Variants in KIF6 observed in about 807,000 individuals in gnomAD.
KIF6 encodes the protein kinesin-like protein KIF6.
In KIF6, 106 loss-of-function variants were observed where a neutral mutation model predicts 112.7. The ratio of observed to expected loss-of-function variants is 0.94; its 90% CI spans 0.80 to 1.11. KIF6 has a LOEUF of 1.11. Ranked by LOEUF, KIF6 falls within the 50% of genes least tolerant of loss-of-function variation. The probability of loss-of-function intolerance (pLI) is 0.00; values close to 1 mark genes in which losing one functional copy is unlikely to be tolerated. For synonymous variants in KIF6, 339 were observed against 339.9 expected, an observed-to-expected ratio of 1.00 and a Z score of 0.03; for missense variants, 929 against 964.0, an observed-to-expected ratio of 0.96 and a Z score of 0.48.
intron 14 of KIF6, among the ~76,000 whole-genome samples, chr6:39,428,498 C>T (rs909924616): frequency 1.3e-5 from 2 of 152,188 alleles, no homozygotes; most frequent in African/African-American, 4.8e-5. Flanking sequence ...ATATGTCCCC[C>T]TTTCTAGGGA....
At chr6:39,709,963 G>A (rs200151533) in intron 3 of KIF6, among the ~76,000 whole-genome samples, 1 of 152,054 alleles carries the variant, frequency 6.6e-6, no homozygotes, top group East Asian at 1.9e-4. Context: ...TATTTTATCA[G>A]TATTTTATGT....
intron 13 of KIF6, among the ~76,000 whole-genome samples, chr6:39,489,815 A>G (rs1458186095): frequency 6.6e-6 from 1 of 152,220 alleles, no homozygotes; most frequent in East Asian, 1.9e-4. Flanking sequence ...TCAAAAAGAA[A>G]AATTAAGGTC....
chr6:39,615,528 T>C (rs1783474685), intron 5 of KIF6, among the ~76,000 whole-genome samples: 1 of 122,124 alleles, frequency 8.2e-6, no homozygotes, highest in African/African-American at 3.1e-5. Flanking sequence ...ACAGCACTGC[T>C]GCTTAGGTCC....
At chr6:39,590,454 T>TTA (rs1781886535) in intron 7 of KIF6, among the ~76,000 whole-genome samples, 2 of 140,398 alleles carry the variant, frequency 1.4e-5, no homozygotes, top group African/African-American at 5.5e-5. Context: ...TATATATATT[T>TTA]TTTTTTTTTT....
chr6:39,568,387 T>C (rs1218355086), intron 10 of KIF6, among the ~76,000 whole-genome samples: 2 of 152,136 alleles, frequency 1.3e-5, no homozygotes, highest in East Asian at 3.9e-4. Flanking sequence ...AACGGGGTCT[T>C]AGCAGTTGCC....
chr6:39,538,785 C>T (rs1268245981), intron 13 of KIF6, among the ~76,000 whole-genome samples: 1 of 147,974 alleles, frequency 6.8e-6, no homozygotes, highest in East Asian at 2.0e-4. Context: ...TATTGTGGCA[C>T]TATTCACAAT....
At chr6:39,692,268 C>G (rs1447499817) in intron 3 of KIF6, among the ~76,000 whole-genome samples, 3 of 152,186 alleles carry the variant, frequency 2.0e-5, no homozygotes, top group Non-Finnish European at 4.4e-5. Context: ...AACTTGCAAA[C>G]AAACCTGTCT....
At chr6:39,355,918 C>T (rs1239910896) in intron 19 of KIF6, among the ~76,000 whole-genome samples, 1 of 152,012 alleles carries the variant, frequency 6.6e-6, no homozygotes, top group Non-Finnish European at 1.5e-5. Context: ...TTGCCACAAT[C>T]ACTGAACCGA....
intron 13 of KIF6, among the ~76,000 whole-genome samples, chr6:39,511,853 C>A (rs1332460636): frequency 6.6e-6 from 1 of 152,112 alleles, no homozygotes; most frequent in Admixed American, 6.5e-5. Context: ...GACAGAAAAC[C>A]AAACACTGCA....
Position 39,644,190 on chromosome 6 carries a change from G to A in KIF6, c.252-4433C>T, listed in dbSNP as rs75928523. On this transcript the variant is annotated intron_variant, in intron 3 of 22. Transcript: ENST00000287152. ...AAAAAAAGAGACAATGAGAAGTGCT[G>A]GTGACAATGTGGACAAATTGGAACC... is the stretch of plus-strand genomic sequence containing the variant. 7.7e-3 allele frequency among the ~76,000 whole-genome samples: 1,165 copies of A among 152,024 alleles called. 19 individuals carry two copies. The highest frequency in any genetic ancestry group is 0.027 in the African/African-American group (1,110 of 41,514).
intron 15 of KIF6, among the ~76,000 whole-genome samples, chr6:39,386,458 T>C (rs1562161254): frequency 6.6e-6 from 1 of 152,106 alleles, no homozygotes. Flanking sequence ...TATCTGAACA[T>C]TGTCATATGA....
chr6:39,696,214 G>A (rs1788528419), intron 3 of KIF6, among the ~76,000 whole-genome samples: 1 of 152,116 alleles, frequency 6.6e-6, no homozygotes, highest in Non-Finnish European at 1.5e-5. Context: ...TTGGGCAATG[G>A]AATTATTAGA....
chr6:39,615,398 G>A lies in KIF6; in HGVS notation c.510-2080C>T, dbSNP rs1396549029. ...TCAAAGGTGGTGCATACACTCATTG[G>A]GCACTAAATGTACGTCAGGCACTTG... On this transcript the variant is annotated intron_variant, in intron 5 of 22. Transcript: ENST00000287152. 3.9e-5 allele frequency among the ~76,000 whole-genome samples: 6 copies of A among 152,248 alleles called. No individual in the cohort carries two copies. The East Asian group carries it at 9.6e-4, about 24-fold the overall frequency.
chr6:39,351,050 C>A (rs1028705316), intron 19 of KIF6, among the ~76,000 whole-genome samples: 4 of 152,134 alleles, frequency 2.6e-5, no homozygotes, highest in Admixed American at 1.3e-4. Flanking sequence ...TTCCCCAAGA[C>A]CCTTCTGCCA....
chr6:39,455,076 C>A (rs1329769967), intron 13 of KIF6, among the ~76,000 whole-genome samples: 35 of 151,564 alleles, frequency 2.3e-4, no homozygotes, highest in African/African-American at 8.4e-4. Flanking sequence ...AGGGCACAGA[C>A]AAACAAAAAG....
chr6:39,612,303 C>A (rs1783258530), intron 6 of KIF6, among the ~76,000 whole-genome samples: 1 of 152,122 alleles, frequency 6.6e-6, no homozygotes, highest in Non-Finnish European at 1.5e-5. Flanking sequence ...AGGTAAAATA[C>A]AGAACTCTGG....
intron 10 of KIF6, among the ~76,000 whole-genome samples, chr6:39,572,681 T>TTTTTTA (rs1554128231): frequency 1.4e-5 from 2 of 138,056 alleles, no homozygotes; most frequent in Non-Finnish European, 3.1e-5. Flanking sequence ...TTTTTTTTTT[T>TTTTTTA]ACCAAAGAAA....
At chr6:39,350,875 G>A (rs1463457414) in intron 19 of KIF6, among the ~76,000 whole-genome samples, 4 of 152,238 alleles carry the variant, frequency 2.6e-5, no homozygotes, top group Non-Finnish European at 5.9e-5. Flanking sequence ...AACTGTTGGA[G>A]GAGGAAATAT....
At chr6:39,588,886 C>T (rs1781779769) in intron 7 of KIF6, among the ~76,000 whole-genome samples, 1 of 152,162 alleles carries the variant, frequency 6.6e-6, no homozygotes, top group Non-Finnish European at 1.5e-5. Flanking sequence ...CTTGGGAAAC[C>T]ACACACGCCT....
Sources: allele counts gnomAD v4.1 joint callset (sites outside exome capture counted in the v4.1 genomes callset), GRCh38; gene constraint gnomAD v4.1.1; transcripts MANE v1.5; gene names NCBI Gene and HGNC (gene_info 2026-07-23, HGNC 2026-07-21).